VWC2: variants seen among roughly 807,000 people sequenced by gnomAD.
VWC2 encodes von Willebrand factor C domain containing 2, also known as brorin.
A neutral mutation model predicts 29.8 loss-of-function variants in VWC2; 14 were observed. The observed-to-expected ratio is 0.47, with a 90% CI of 0.31 to 0.74. The LOEUF (loss-of-function observed/expected upper bound fraction) is 0.74, where lower values mean the gene tolerates loss of function less well. VWC2 is among the 30% of genes least tolerant of loss of function. The pLI is 0.05. For missense variants in VWC2, 457 were observed against 459.8 expected, an observed-to-expected ratio of 0.99 and a Z score of 0.05; for synonymous variants, 213 against 199.0, an observed-to-expected ratio of 1.07 and a Z score of -0.59.
intron 3 of VWC2, among the ~76,000 whole-genome samples, chr7:49,860,015 C>A (rs1790587479): frequency 6.6e-6 from 1 of 151,826 alleles, no homozygotes; most frequent in Admixed American, 6.6e-5. Flanking sequence ...TAATTAGGTA[C>A]TCTTTAAGGG....
intron 3 of VWC2, among the ~76,000 whole-genome samples, chr7:49,810,044 A>G (rs1209202667): frequency 6.6e-6 from 1 of 151,928 alleles, no homozygotes; most frequent in African/African-American, 2.4e-5. Flanking sequence ...GAAAAAGAGG[A>G]AGGAAAAGGA....
At chr7:49,794,407 AAT>A (rs1788536900) in intron 2 of VWC2, among the ~76,000 whole-genome samples, 1 of 152,356 alleles carries the variant, frequency 6.6e-6, no homozygotes, top group African/African-American at 2.4e-5. Flanking sequence ...GAGACGTAGC[AAT>A]ATTAAGTGCT....
intron 3 of VWC2, among the ~76,000 whole-genome samples, chr7:49,865,215 G>T (rs1049773921): frequency 2.0e-5 from 3 of 152,170 alleles, no homozygotes; most frequent in Non-Finnish European, 4.4e-5. Flanking sequence ...TGTGGTCCGT[G>T]GGGTAGGAGA....
intron 3 of VWC2, among the ~76,000 whole-genome samples, chr7:49,833,847 C>A (rs932114820): frequency 3.3e-5 from 5 of 152,088 alleles, no homozygotes; most frequent in Non-Finnish European, 2.9e-5. Flanking sequence ...CTTATAGATT[C>A]TATCTATAAG....
At chr7:49,825,353 A>C (rs1214483761) in intron 3 of VWC2, among the ~76,000 whole-genome samples, 1 of 152,012 alleles carries the variant, frequency 6.6e-6, no homozygotes, top group African/African-American at 2.4e-5. Flanking sequence ...CTTGGAGTCC[A>C]TTTCTTTAGT....
chr7:49,799,105 T>G (rs1291928152), intron 2 of VWC2, among the ~76,000 whole-genome samples: 1 of 152,182 alleles, frequency 6.6e-6, no homozygotes, highest in African/African-American at 2.4e-5. Flanking sequence ...TTTCATCTGT[T>G]GAGTCTGGGC....
chr7:49,817,355 C>T (rs1789171979), intron 3 of VWC2, among the ~76,000 whole-genome samples: 1 of 152,226 alleles, frequency 6.6e-6, no homozygotes, highest in African/African-American at 2.4e-5. Flanking sequence ...ATCAATGGCA[C>T]CATTACCAGA....
At chr7:49,887,870 C>T (rs1791967309) in intron 3 of VWC2, among the ~76,000 whole-genome samples, 1 of 152,246 alleles carries the variant, frequency 6.6e-6, no homozygotes, top group Non-Finnish European at 1.5e-5. Flanking sequence ...CACTTAACCA[C>T]CAGACTAGCT....
intron 3 of VWC2, among the ~76,000 whole-genome samples, chr7:49,849,435 G>A (rs1424485491): frequency 6.6e-6 from 1 of 152,194 alleles, no homozygotes; most frequent in Non-Finnish European, 1.5e-5. Flanking sequence ...GCTCTGCTGG[G>A]AGCAGACTGT....
chr7:49,845,197 T>A (rs1473364030), intron 3 of VWC2, among the ~76,000 whole-genome samples: 3 of 151,864 alleles, frequency 2.0e-5, no homozygotes, highest in Non-Finnish European at 4.4e-5. Context: ...ACCTAGGTGA[T>A]GGGTTGATTG....
intron 3 of VWC2, among the ~76,000 whole-genome samples, chr7:49,863,418 C>G (rs954191944): frequency 6.6e-6 from 1 of 151,982 alleles, no homozygotes; most frequent in African/African-American, 2.4e-5. Context: ...TTTGTTGATT[C>G]TCTCTCCCTT....
chr7:49,907,767 A>C (rs961021402), intron 3 of VWC2, among the ~76,000 whole-genome samples: 1 of 152,232 alleles, frequency 6.6e-6, no homozygotes, highest in Non-Finnish European at 1.5e-5. Context: ...TCATAGGTGT[A>C]TTCAAAGATG....
chr7:49,791,759 A>G (rs573890932), intron 2 of VWC2, among the ~76,000 whole-genome samples: 2 of 152,250 alleles, frequency 1.3e-5, no homozygotes, highest in African/African-American at 4.8e-5. Context: ...AGACAAGAAG[A>G]TGCTTCGCCT....
chr7:49,900,440 G>A (rs1391728320), intron 3 of VWC2, among the ~76,000 whole-genome samples: 6 of 151,428 alleles, frequency 4.0e-5, no homozygotes, highest in African/African-American at 1.2e-4. Flanking sequence ...ACAAAAAAGA[G>A]GATGCAAATT....
chr7:49,871,192 AATAAT>A (rs1450526105), intron 3 of VWC2, among the ~76,000 whole-genome samples: 1 of 152,164 alleles, frequency 6.6e-6, no homozygotes, highest in Non-Finnish European at 1.5e-5. Flanking sequence ...AAAAACGAAT[AATAAT>A]ATCTATTGTT....
At chr7:49,832,098 A>G (rs1322209362) in intron 3 of VWC2, among the ~76,000 whole-genome samples, 1 of 152,162 alleles carries the variant, frequency 6.6e-6, no homozygotes, top group East Asian at 1.9e-4. Flanking sequence ...CAGTTCAGCT[A>G]ATTATTTATG....
chr7:49,891,777 A>G (rs1792138453), intron 3 of VWC2, among the ~76,000 whole-genome samples: 1 of 152,222 alleles, frequency 6.6e-6, no homozygotes, highest in South Asian at 2.1e-4. Context: ...ATAGTTGCAC[A>G]GCAAGGACAC....
intron 3 of VWC2, among the ~76,000 whole-genome samples, chr7:49,840,024 TC>T (rs1355201426): frequency 6.6e-6 from 1 of 152,136 alleles, no homozygotes; most frequent in Non-Finnish European, 1.5e-5. Flanking sequence ...CTGGGACGTG[TC>T]TATCTCGCCT....
chr7:49,820,277 C>T (rs906374893), intron 3 of VWC2, among the ~76,000 whole-genome samples: 2 of 152,092 alleles, frequency 1.3e-5, no homozygotes, highest in Non-Finnish European at 2.9e-5. Flanking sequence ...CTCCACACTC[C>T]AGGCACCATG....
Sources: allele counts gnomAD v4.1 joint callset (sites outside exome capture counted in the v4.1 genomes callset), GRCh38; gene constraint gnomAD v4.1.1; transcripts MANE v1.5; gene names NCBI Gene and HGNC (gene_info 2026-07-23, HGNC 2026-07-21).